PGM3: variants seen among roughly 807,000 people sequenced by gnomAD.
PGM3 encodes the protein phosphoacetylglucosamine mutase.
PGM3 carries 40 observed loss-of-function variants against 66.2 expected under a neutral mutation model. That is an observed-to-expected ratio of 0.60 (90% confidence interval 0.47 to 0.79). The LOEUF is 0.79. PGM3 is among the 30% of genes least tolerant of loss of function. The probability of loss-of-function intolerance (pLI) is 0.00; values close to 1 mark genes in which losing one functional copy is unlikely to be tolerated. For missense variants in PGM3, 537 were observed against 643.4 expected (o/e 0.83, Z 1.79); for synonymous variants, 191 against 224.2 (o/e 0.85, Z 1.32).
chr6:83,183,043 A>T (rs1195045795), intron 4 of PGM3, 65 bp from the exon 5 acceptor site: 1 of 1,452,150 alleles, frequency 6.9e-7, no homozygotes, highest in Non-Finnish European at 9.5e-7. Flanking sequence ...GTTTAAATGC[A>T]TTCATGTGTA....
downstream of PGM3, chr6:83,158,625 A>G (rs1783405944): frequency 1.3e-6 from 2 of 1,596,482 alleles, no homozygotes; most frequent in Non-Finnish European, 1.7e-6. Flanking sequence ...ATTTCACGGT[A>G]ATATGTAATT....
chr6:83,157,165 C>T, downstream of PGM3: 1 of 1,604,914 alleles, frequency 6.2e-7, no homozygotes, highest in Non-Finnish European at 8.5e-7. Flanking sequence ...ATTGAAAATG[C>T]TCTGCATTTC....
the PGM3 span, among the ~76,000 whole-genome samples, chr6:83,150,872 CAA>C: frequency 6.6e-6 from 1 of 152,056 alleles, no homozygotes; most frequent in Non-Finnish European, 1.5e-5. Context: ...TCTACAAATG[CAA>C]AGTTTGTAAA....
downstream of PGM3, among the ~76,000 whole-genome samples, chr6:83,157,853 TAC>T (rs1376494435): frequency 6.6e-6 from 1 of 152,124 alleles, no homozygotes; most frequent in Non-Finnish European, 1.5e-5. Flanking sequence ...CCTCAAACCG[TAC>T]ACAGTCATCC....
intron 4 of PGM3, among the ~76,000 whole-genome samples, chr6:83,183,873 G>A (rs1788381404): frequency 1.3e-5 from 2 of 151,758 alleles, no homozygotes; most frequent in African/African-American, 4.8e-5. Flanking sequence ...CCACCACCAC[G>A]CCCGGCTAAT....
At chr6:83,164,714 C>G (rs985564256), downstream of PGM3, 7 of 1,590,748 alleles carry the variant, frequency 4.4e-6, no homozygotes, top group Non-Finnish European at 6.0e-6. Context: ...GATGGCCAAG[C>G]ATCAGGTGAG....
Position 83,176,387 on chromosome 6 carries a change from C to T in PGM3, c.1030-327G>A, listed in dbSNP as rs572814697. ...TGGAGAATAGCTTAGAGCAGAATTG[C>T]AAGCTTTTTCTGTAACAGGCCAGAC... On this transcript the variant is annotated intron_variant, in intron 8 of 12. Coordinates refer to ENST00000513973, the MANE Select transcript of PGM3 (RefSeq NM_015599.3). Among the ~76,000 whole-genome samples the T allele has an allele frequency of 3.9e-5, 6 of 152,258 alleles. No individual in the cohort carries two copies. In the South Asian group the frequency reaches 1.2e-3, roughly 32 times the overall value.
intron 10 of PGM3, 122 bp from the exon 11 acceptor site, chr6:83,172,181 G>A: frequency 4.2e-6 from 4 of 943,000 alleles, no homozygotes; most frequent in Non-Finnish European, 6.3e-6. Flanking sequence ...AACATGCTGA[G>A]TGCCAAAATA....
intron 4 of PGM3, 70 bp downstream of exon 4, chr6:83,186,932 AATAAAT>A (rs1788625641): frequency 1.3e-6 from 1 of 797,300 alleles, no homozygotes; most frequent in Non-Finnish European, 2.0e-6. Flanking sequence ...AACTTTTCTA[AATAAAT>A]ATACATTACT....
downstream of PGM3, chr6:83,157,331 T>C: frequency 6.2e-7 from 1 of 1,611,402 alleles, no homozygotes; most frequent in South Asian, 1.1e-5. Flanking sequence ...GAGTTAATTT[T>C]AATTCAGTCA....
intron 4 of PGM3, among the ~76,000 whole-genome samples, chr6:83,184,991 A>G (rs929329149): frequency 2.6e-5 from 4 of 152,250 alleles, no homozygotes; most frequent in African/African-American, 9.6e-5. Flanking sequence ...CACTAAGCTG[A>G]AGAGAGAAAT....
the PGM3 span, among the ~76,000 whole-genome samples, chr6:83,155,726 A>G: frequency 3.3e-5 from 5 of 152,330 alleles, no homozygotes; most frequent in East Asian, 5.8e-4. Flanking sequence ...TAAAACCTAC[A>G]GTTCTAAATT....
intron 7 of PGM3, among the ~76,000 whole-genome samples, chr6:83,179,129 G>A (rs1787987005): frequency 6.6e-6 from 1 of 151,978 alleles, no homozygotes; most frequent in Non-Finnish European, 1.5e-5. Context: ...TGGCCAACAT[G>A]GTGAAACCCC....
Position 83,167,652 on chromosome 6 carries a change from A to G in PGM3, c.*1582T>C. 2.3e-6 allele frequency: 3 copies of G among 1,284,030 alleles called. No homozygotes were observed. The South Asian group carries it at 8.3e-5, about 36-fold the overall frequency. 79.5% of individuals were successfully genotyped at this position (1,284,030 alleles called of 1,614,324 possible). ...CTGCGCATTCTAGTTGGGAACTATT[A>G]CTACAATGTTAGACTGCTCCATGTA... is the stretch of plus-strand genomic sequence containing the variant. On this transcript the variant is annotated 3_prime_UTR_variant, in exon 13 of 13. Transcript: ENST00000513973.
upstream of PGM3, chr6:83,193,462 C>CCCGGGGGTTGGGG (rs1250126176): frequency 1.3e-5 from 2 of 152,212 alleles, no homozygotes; most frequent in Non-Finnish European, 2.9e-5. Flanking sequence ...CCCGCGGTGG[C>CCCGGGGGTTGGGG]CCGGGGGTTG....
rs1484927502 is a variant in PGM3, at chr6:83,168,944, G to A, written c.*290C>T. 1.8e-6 allele frequency: 2 copies of A among 1,136,998 alleles called. No homozygotes were observed. The highest frequency in any genetic ancestry group is 2.2e-6 in the Non-Finnish European group (2 of 923,042). The allele number at this position is 1,136,998 out of a possible 1,614,324, so 70.4% of individuals were successfully genotyped here. ...GATTTAATTTTCCAGTAGCCTGCAT[G>A]AATTGTTCCCCACATAAAACTGTAC... On this transcript the variant is annotated 3_prime_UTR_variant, in exon 13 of 13. Coordinates refer to ENST00000513973, the MANE Select transcript of PGM3 (RefSeq NM_015599.3).
rs1184028706 is a variant in PGM3, at chr6:83,170,457, T to G, written c.1387A>C (p.Ser463Arg). 1 of 1,614,022 alleles carries G rather than the reference T, an allele frequency of 6.2e-7. No individual in the cohort carries two copies. Residue 463 changes from serine to arginine, a missense_variant, in exon 12 of 13, where the codon AGC (serine) becomes CGC (arginine). Ser to Arg is a moderately radical substitution (Grantham distance 110, BLOSUM62 -1). Coordinates refer to ENST00000513973, the MANE Select transcript of PGM3 (RefSeq NM_015599.3). ...KVQVADRRVI[S>R]TTDAERQAVT... ...GCTTGTCTTTCAGCATCGGTAGTGC[T>G]AATAACTCTCCTGTCTGCAACCTAA...
chr6:83,157,667 C>T (rs1422804793), downstream of PGM3, among the ~76,000 whole-genome samples: 5 of 152,224 alleles, frequency 3.3e-5, no homozygotes, highest in African/African-American at 1.2e-4. Flanking sequence ...AGCAATACCT[C>T]TAGTGATAGA....
chr6:83,174,439 G>T lies in PGM3; in HGVS notation c.1177C>A (p.Gln393Lys), dbSNP rs1306544701. 1.2e-6 allele frequency: 2 copies of T among 1,607,688 alleles called. No homozygotes were observed. Among genetic ancestry groups the T allele is most frequent in the African/African-American group, 2.7e-5 (2 of 74,642 alleles). ...GCTTTTCTTTTCTTATCTTCCAGTT[G>T]TTCTGCTGATTGTTTTATCTTCATT... The part of the protein sequence containing the change: ...VEMKIKQSAE[Q>K]LEDKKRKAAK... The change falls in exon 10 of 13, where the codon CAA becomes AAA. Residue 393 changes from glutamine to lysine, a missense_variant. Coordinates refer to ENST00000513973, the MANE Select transcript of PGM3 (RefSeq NM_015599.3).
Sources: gnomAD v4.1 joint callset for allele counts (sites outside exome capture counted in the v4.1 genomes callset) on GRCh38, gnomAD v4.1.1 for gene constraint, MANE v1.5 for transcripts, NCBI Gene and HGNC (gene_info 2026-07-23, HGNC 2026-07-21) for gene names.